Variants in DRC9 observed in about 807,000 individuals in gnomAD.
DRC9 encodes the protein dynein regulatory complex subunit 9.
the DRC9 span, among the ~76,000 whole-genome samples, chr3:197,926,812 C>T: frequency 6.6e-6 from 1 of 152,194 alleles, no homozygotes; most frequent in Non-Finnish European, 1.5e-5. Flanking sequence ...TCCAGCCTCT[C>T]CTTCACTGGG....
the DRC9 span, among the ~76,000 whole-genome samples, chr3:197,927,929 G>A: frequency 6.6e-6 from 1 of 150,870 alleles, no homozygotes; most frequent in Non-Finnish European, 1.5e-5. Context: ...GACACAGGGA[G>A]GGGAACATCA....
the DRC9 span, among the ~76,000 whole-genome samples, chr3:197,949,007 G>A: frequency 3.9e-5 from 6 of 152,108 alleles, no homozygotes; most frequent in Non-Finnish European, 8.8e-5. Flanking sequence ...CCCTTAAATA[G>A]TTCCCATCTC....
chr3:197,949,803 G>A, the DRC9 span: 1 of 365,360 alleles, frequency 2.7e-6, no homozygotes, highest in African/African-American at 2.1e-5. Flanking sequence ...TGTGTATCGA[G>A]AGAAAAGCAC....
At chr3:197,941,516 TTCC>T in the DRC9 span, among the ~76,000 whole-genome samples, 3 of 90,942 alleles carry the variant, frequency 3.3e-5, no homozygotes, top group Non-Finnish European at 6.1e-5. Flanking sequence ...CCTTCCTTCC[TTCC>T]TTTCTCTCTT....
At chr3:197,909,864 G>A in the DRC9 span, among the ~76,000 whole-genome samples, 12 of 152,044 alleles carry the variant, frequency 7.9e-5, no homozygotes, top group African/African-American at 2.9e-4. Flanking sequence ...GTGGTGGCAG[G>A]TGCATGTAAT....
chr3:197,952,118 A>G, the DRC9 span, among the ~76,000 whole-genome samples: 11 of 150,374 alleles, frequency 7.3e-5, no homozygotes, highest in Admixed American at 3.3e-4. Context: ...GGATTTTTAG[A>G]ACACTTGTGC....
At chr3:197,907,906 G>A in the DRC9 span, among the ~76,000 whole-genome samples, 2 of 149,262 alleles carry the variant, frequency 1.3e-5, no homozygotes, top group African/African-American at 5.0e-5. Context: ...CACGTCTGAA[G>A]AGTGACCCCT....
the DRC9 span, among the ~76,000 whole-genome samples, chr3:197,924,846 A>G: frequency 9.9e-5 from 15 of 152,168 alleles, no homozygotes; most frequent in Non-Finnish European, 1.8e-4. Flanking sequence ...AACTGCTCCT[A>G]GAAAAGTTGT....
the DRC9 span, chr3:197,938,589 G>GGTCT: frequency 2.5e-6 from 4 of 1,613,820 alleles, no homozygotes; most frequent in Non-Finnish European, 3.4e-6. Context: ...TAGTCATGAT[G>GGTCT]GTCTGCCTTG....
chr3:197,953,852 A>G, the DRC9 span: 7 of 738,484 alleles, frequency 9.5e-6, no homozygotes, highest in Non-Finnish European at 1.7e-5. Context: ...CTCGATAAGT[A>G]TCTGTTGAAT....
chr3:197,918,517 C>T, the DRC9 span, among the ~76,000 whole-genome samples: 5 of 152,134 alleles, frequency 3.3e-5, no homozygotes, highest in Non-Finnish European at 7.3e-5. Flanking sequence ...TCAAGGTCCA[C>T]CTTATATATC....
At chr3:197,909,326 A>C in the DRC9 span, among the ~76,000 whole-genome samples, 1 of 152,244 alleles carries the variant, frequency 6.6e-6, no homozygotes, top group African/African-American at 2.4e-5. Flanking sequence ...CAGACATATA[A>C]ATAATAAAAA....
At chr3:197,935,455 A>C in the DRC9 span, among the ~76,000 whole-genome samples, 1 of 147,168 alleles carries the variant, frequency 6.8e-6, no homozygotes, top group East Asian at 2.0e-4. Flanking sequence ...AAAAAAAAGA[A>C]AAGAAAAGTA....
the DRC9 span, among the ~76,000 whole-genome samples, chr3:197,924,709 G>A: frequency 5.5e-3 from 837 of 152,200 alleles, 8 homozygotes; most frequent in African/African-American, 0.019. Flanking sequence ...GAGTAGAAAC[G>A]GGGTTTCAGC....
the DRC9 span, chr3:197,960,022 G>C: frequency 1.7e-6 from 1 of 578,460 alleles, no homozygotes; most frequent in Non-Finnish European, 3.1e-6. Flanking sequence ...CCCCACTCAC[G>C]TGGGCCTCCA....
the DRC9 span, among the ~76,000 whole-genome samples, chr3:197,914,699 C>T: frequency 1.5e-3 from 227 of 152,186 alleles, 5 homozygotes; most frequent in Non-Finnish European, 1.6e-3. Flanking sequence ...GAGACAAACA[C>T]ATGTGTAAAC....
At chr3:197,931,697 T>TCA in the DRC9 span, among the ~76,000 whole-genome samples, 2 of 151,896 alleles carry the variant, frequency 1.3e-5, no homozygotes, top group African/African-American at 4.8e-5. Flanking sequence ...AAGCTCTGCC[T>TCA]CACTACAAGC....
chr3:197,932,465 C>T, the DRC9 span, among the ~76,000 whole-genome samples: 5 of 151,390 alleles, frequency 3.3e-5, no homozygotes, highest in East Asian at 7.8e-4. Context: ...AAACCCCATC[C>T]CTACTAAAAA....
chr3:197,923,337 G>A, the DRC9 span, among the ~76,000 whole-genome samples: 1 of 152,266 alleles, frequency 6.6e-6, no homozygotes, highest in South Asian at 2.1e-4. Flanking sequence ...TAGAGACAGA[G>A]TCTTGCTATG....
Sources: gnomAD v4.1 joint callset for allele counts (sites outside exome capture counted in the v4.1 genomes callset) on GRCh38, gnomAD v4.1.1 for gene constraint, MANE v1.5 for transcripts, NCBI Gene and HGNC (gene_info 2026-07-23, HGNC 2026-07-21) for gene names.